The following PLEKHG1 variants were observed in gnomAD, a reference collection of about 807,000 sequenced individuals.
PLEKHG1 encodes the protein pleckstrin homology domain-containing family G member 1.
In PLEKHG1, 44 loss-of-function variants were observed where a neutral mutation model predicts 100.8. The ratio of observed to expected loss-of-function variants is 0.44; its 90% confidence interval spans 0.34 to 0.56. The LOEUF is 0.56. Ranked by LOEUF, PLEKHG1 falls within the 20% of genes least tolerant of loss-of-function variation. The pLI, the probability that PLEKHG1 is intolerant of heterozygous loss-of-function variation, is 0.01. For synonymous variants in PLEKHG1, 640 were observed against 662.5 expected (o/e 0.97, Z 0.52); for missense variants, 1,545 against 1,720.9 (o/e 0.90, Z 1.81).
rs180921871 is a variant in PLEKHG1, at chr6:150,702,066, T to C, written c.-98-31518T>C. Among the ~76,000 whole-genome samples the C allele has an allele frequency of 9.0e-4, 137 of 152,350 alleles. 3 individuals are homozygous for C. The East Asian group carries it at 0.023, about 25-fold the overall frequency. ...ACTCCATAATTCACCCTTTAGTATCTCACTAGTTGAGCGATTATACTTTTA... is the reference window on the plus strand; with the variant it reads ...ACTCCATAATTCACCCTTTAGTATCCCACTAGTTGAGCGATTATACTTTTA... On this transcript the variant is annotated intron_variant, in intron 3 of 3. Transcript: ENST00000367326.
intron 1 of PLEKHG1, among the ~76,000 whole-genome samples, chr6:150,607,749 T>A (rs1384549780): frequency 2.0e-5 from 3 of 152,146 alleles, no homozygotes; most frequent in Non-Finnish European, 1.5e-5. Context: ...TGAGAGTTTT[T>A]AGGGAATTTC....
chr6:150,607,070 T>G (rs1264270864), intron 1 of PLEKHG1, among the ~76,000 whole-genome samples: 1 of 152,152 alleles, frequency 6.6e-6, no homozygotes, highest in East Asian at 1.9e-4. Flanking sequence ...AAGGCCCTTG[T>G]GTTTTAAGAA....
chr6:150,739,396 AG>A (rs1458864186), intron 2 of PLEKHG1, among the ~76,000 whole-genome samples: 1 of 152,182 alleles, frequency 6.6e-6, no homozygotes, highest in Non-Finnish European at 1.5e-5. Flanking sequence ...GGCCAGGAGC[AG>A]TGGCTCATGC....
intron 3 of PLEKHG1, chr6:150,651,171 C>T (rs1358149375): frequency 6.6e-6 from 1 of 152,200 alleles, no homozygotes; most frequent in Non-Finnish European, 1.5e-5. Context: ...TATTTTCAGA[C>T]CACAGTTGAC....
At chr6:150,679,920 A>G (rs1479323257) in intron 3 of PLEKHG1, among the ~76,000 whole-genome samples, 1 of 152,194 alleles carries the variant, frequency 6.6e-6, no homozygotes, top group African/African-American at 2.4e-5. Flanking sequence ...ATGTGGAGAG[A>G]CAGTGAGCTT....
intron 1 of PLEKHG1, chr6:150,626,070 C>A (rs1777495663): frequency 7.0e-6 from 1 of 142,334 alleles, no homozygotes; most frequent in Admixed American, 7.7e-5. Flanking sequence ...TCCATACCAG[C>A]AGAAGTGTTT....
chr6:150,623,529 C>T (rs893049015), intron 1 of PLEKHG1, among the ~76,000 whole-genome samples: 5 of 152,210 alleles, frequency 3.3e-5, no homozygotes, highest in South Asian at 2.1e-4. Flanking sequence ...CTCAAACTCA[C>T]GTATCTATTA....
chr6:150,738,939 G>A (rs770077587), intron 2 of PLEKHG1, among the ~76,000 whole-genome samples: 6 of 152,182 alleles, frequency 3.9e-5, no homozygotes, highest in Admixed American at 1.3e-4. Flanking sequence ...TGGAGAGATA[G>A]AAATCCATAG....
At chr6:150,820,586 C>T (rs562181797) in intron 12 of PLEKHG1, among the ~76,000 whole-genome samples, 14 of 152,142 alleles carry the variant, frequency 9.2e-5, no homozygotes, top group East Asian at 5.8e-4. Context: ...CAAATAAGGC[C>T]GGGCGCGGTG....
intron 2 of PLEKHG1, among the ~76,000 whole-genome samples, chr6:150,644,672 G>A (rs1778417326): frequency 6.6e-6 from 1 of 151,488 alleles, no homozygotes; most frequent in African/African-American, 2.4e-5. Context: ...AACTTTTCTT[G>A]GTATTTCCAA....
intron 10 of PLEKHG1, among the ~76,000 whole-genome samples, chr6:150,810,504 GAAAGAAAGAAAAAGAAAGAAAGAAAGA>G (rs1787436045): frequency 1.3e-5 from 1 of 78,674 alleles, no homozygotes; most frequent in Non-Finnish European, 3.1e-5. Flanking sequence ...AGGAGGGAAA[GAAAGAAAGAAAAAGAAAGAAAGAAAGA>G]AAGAAAGGAA....
intron 3 of PLEKHG1, among the ~76,000 whole-genome samples, chr6:150,770,805 G>A (rs1038831141): frequency 2.6e-5 from 4 of 152,204 alleles, no homozygotes; most frequent in Non-Finnish European, 5.9e-5. Context: ...TAATGGTCCT[G>A]TAACCCAGAA....
intron 3 of PLEKHG1, among the ~76,000 whole-genome samples, chr6:150,702,557 G>GGTATGT (rs1554261634): frequency 7.0e-6 from 1 of 142,830 alleles, no homozygotes; most frequent in East Asian, 2.0e-4. Flanking sequence ...TTTGTTTTGG[G>GGTATGT]GTGTGTGTGT....
At chr6:150,673,019 A>C (rs1779629829) in intron 3 of PLEKHG1, among the ~76,000 whole-genome samples, 1 of 152,218 alleles carries the variant, frequency 6.6e-6, no homozygotes, top group Admixed American at 6.5e-5. Flanking sequence ...TTATATAAAC[A>C]AACACCTACT....
chr6:150,773,195 G>A (rs940077407), intron 3 of PLEKHG1, among the ~76,000 whole-genome samples: 1 of 152,040 alleles, frequency 6.6e-6, no homozygotes, highest in Non-Finnish European at 1.5e-5. Context: ...GTATAGTAAG[G>A]AGATCTAAAC....
intron 1 of PLEKHG1, among the ~76,000 whole-genome samples, chr6:150,729,235 T>C (rs979863825): frequency 3.3e-5 from 5 of 152,162 alleles, no homozygotes; most frequent in Admixed American, 3.3e-4. Context: ...TTTTTTGTAT[T>C]TTTTGTATTT....
At chr6:150,622,336 AT>A (rs1036450077) in intron 1 of PLEKHG1, among the ~76,000 whole-genome samples, 2 of 151,806 alleles carry the variant, frequency 1.3e-5, no homozygotes, top group Non-Finnish European at 2.9e-5. Context: ...CCCAGCCTTA[AT>A]TTTTTTTTAA....
At chr6:150,818,511 A>G (rs989631048) in intron 11 of PLEKHG1, among the ~76,000 whole-genome samples, 10 of 152,044 alleles carry the variant, frequency 6.6e-5, no homozygotes, top group African/African-American at 1.2e-4. Flanking sequence ...CCCTGCCCCA[A>G]CCTCTACCAC....
chr6:150,746,210 C>G (rs1403188199), intron 2 of PLEKHG1, among the ~76,000 whole-genome samples: 2 of 152,190 alleles, frequency 1.3e-5, no homozygotes, highest in African/African-American at 4.8e-5. Flanking sequence ...TGCATTCACC[C>G]AGTGTTTCTC....
Sources: allele counts gnomAD v4.1 joint callset (sites outside exome capture counted in the v4.1 genomes callset), GRCh38; gene constraint gnomAD v4.1.1; transcripts MANE v1.5; gene names NCBI Gene and HGNC (gene_info 2026-07-23, HGNC 2026-07-21).